Variants in DACH2 observed in about 807,000 individuals in gnomAD.
The protein encoded by DACH2 is dachshund homolog 2.
Under a neutral mutation model 35.8 loss-of-function variants are expected in DACH2, and 17 were observed. The observed-to-expected ratio is 0.48, with a 90% confidence interval of 0.33 to 0.71. The LOEUF (loss-of-function observed/expected upper bound fraction) is 0.71. Ranked by LOEUF, DACH2 falls within the 30% of genes least tolerant of loss-of-function variation. The pLI is 0.02. For synonymous variants in DACH2, 195 were observed against 177.3 expected (o/e 1.10, Z -0.79); for missense variants, 469 against 472.7 (o/e 0.99, Z 0.07).
intron 2 of DACH2, among the ~76,000 whole-genome samples, chrX:86,489,216 C>T (rs1303168544): frequency 2.7e-5 from 3 of 110,364 alleles, no homozygotes; most frequent in African/African-American, 9.9e-5. Context: ...TTTCCTATTG[C>T]ACCTCATTCA....
At chrX:86,544,221 A>G (rs1477117459) in intron 3 of DACH2, among the ~76,000 whole-genome samples, 1 of 111,592 alleles carries the variant, frequency 9.0e-6, no homozygotes, top group Non-Finnish European at 1.9e-5. Flanking sequence ...AGCATAATTC[A>G]GGATATTGTG....
intron 1 of DACH2, among the ~76,000 whole-genome samples, chrX:86,168,495 C>T (rs1202838895): frequency 9.0e-6 from 1 of 110,772 alleles, no homozygotes; most frequent in Admixed American, 9.6e-5. Flanking sequence ...CATTCAAACA[C>T]TCTATGTGTT....
intron 1 of DACH2, among the ~76,000 whole-genome samples, chrX:86,185,876 C>A (rs1408603210): frequency 8.9e-6 from 1 of 111,872 alleles, no homozygotes; most frequent in Non-Finnish European, 1.9e-5. Flanking sequence ...AAAATAGAAG[C>A]CTGCCATCTT....
intron 1 of DACH2, among the ~76,000 whole-genome samples, chrX:86,252,860 T>C (rs1024222031): frequency 9.0e-6 from 1 of 111,027 alleles, no homozygotes; most frequent in Non-Finnish European, 1.9e-5. Flanking sequence ...TTTAGGATTG[T>C]TTTCTCTAGT....
chrX:86,495,043 A>T lies in DACH2; in HGVS notation c.528-19236A>T, dbSNP rs746426442. 3.1e-3 allele frequency among the ~76,000 whole-genome samples: 347 copies of T among 110,479 alleles called. 1 individual carries two copies. Among genetic ancestry groups the T allele is most frequent in the South Asian group, 0.02 (54 of 2,665 alleles). On this transcript the variant is annotated intron_variant, in intron 2 of 11. Transcript: ENST00000373125. ...AATGAGATAGTTTGCATTATTAATT[A>T]ATTTATTTATTTATTTATTTTGGAG...
intron 1 of DACH2, among the ~76,000 whole-genome samples, chrX:86,169,308 C>G (rs2031048528): frequency 9.0e-6 from 1 of 111,199 alleles, no homozygotes; most frequent in Non-Finnish European, 1.9e-5. Context: ...TTTCCTCTTA[C>G]TGCTTTTAGG....
rs1424062135 is a variant in DACH2, at chrX:86,537,481, C to T, written c.640+23090C>T. On this transcript the variant is annotated intron_variant, in intron 3 of 11. Coordinates refer to ENST00000373125, the MANE Select transcript of DACH2 (RefSeq NM_053281.3). The stretch of plus-strand genomic sequence containing the variant: ...TTTGCAAACATTTTCTGGGCCACAC[C>T]CTTGTTTTCCTCCCCTGAAAATGCT... 2.7e-5 allele frequency among the ~76,000 whole-genome samples: 3 copies of T among 110,996 alleles called. No individual in the cohort carries two copies. In the Admixed American group the frequency reaches 3.0e-4, roughly 11 times the overall value.
At chrX:86,177,485 G>A (rs1349392766) in intron 1 of DACH2, among the ~76,000 whole-genome samples, 4 of 111,838 alleles carry the variant, frequency 3.6e-5, no homozygotes, top group African/African-American at 1.3e-4. Context: ...AAATAGTTAA[G>A]CTTTAAATCA....
At chrX:86,542,869 G>T (rs772404063) in intron 3 of DACH2, among the ~76,000 whole-genome samples, 3 of 111,614 alleles carry the variant, frequency 2.7e-5, no homozygotes, top group Non-Finnish European at 5.6e-5. Flanking sequence ...AGCATCTGTG[G>T]CTATCAAGGA....
chrX:86,793,087 G>T (rs2042202297), intron 7 of DACH2, among the ~76,000 whole-genome samples: 1 of 110,481 alleles, frequency 9.1e-6, no homozygotes, highest in Non-Finnish European at 1.9e-5. Context: ...TCTCATTGTG[G>T]ATTTAATTTG....
At chrX:86,184,986 G>T (rs1223580469) in intron 1 of DACH2, among the ~76,000 whole-genome samples, 1 of 111,404 alleles carries the variant, frequency 9.0e-6, no homozygotes, top group African/African-American at 3.3e-5. Context: ...TATGCAAGAG[G>T]CTTATCTTCT....
chrX:86,392,282 AAATGT>A (rs2036216496), intron 2 of DACH2, among the ~76,000 whole-genome samples: 1 of 111,807 alleles, frequency 8.9e-6, no homozygotes, highest in Non-Finnish European at 1.9e-5. Context: ...GTGATGTATA[AAATGT>A]ATAACATGTA....
intron 4 of DACH2, among the ~76,000 whole-genome samples, chrX:86,661,581 A>T (rs1470994905): frequency 8.9e-6 from 1 of 112,243 alleles, no homozygotes; most frequent in East Asian, 2.8e-4. Context: ...TTATCCATTT[A>T]TCTGTTCATG....
At chrX:86,247,300 G>T (rs2033305842) in intron 1 of DACH2, among the ~76,000 whole-genome samples, 1 of 110,858 alleles carries the variant, frequency 9.0e-6, no homozygotes, top group Non-Finnish European at 1.9e-5. Flanking sequence ...ATTGAGACAT[G>T]AAAAACCACA....
chrX:86,725,841 T>C (rs986416423), intron 6 of DACH2, among the ~76,000 whole-genome samples: 7 of 111,223 alleles, frequency 6.3e-5, no homozygotes, highest in African/African-American at 2.0e-4. Flanking sequence ...TGGTAGCACA[T>C]GTGGGTGGGT....
intron 1 of DACH2, among the ~76,000 whole-genome samples, chrX:86,183,221 G>C (rs886903559): frequency 1.8e-5 from 2 of 111,951 alleles, no homozygotes; most frequent in African/African-American, 6.5e-5. Context: ...TATGTTGATA[G>C]GAGTGGTGAG....
At chrX:86,359,588 C>T (rs1436791534) in intron 1 of DACH2, among the ~76,000 whole-genome samples, 1 of 110,627 alleles carries the variant, frequency 9.0e-6, no homozygotes, top group Non-Finnish European at 1.9e-5. Context: ...TCTATACCAA[C>T]AATTTTTAAA....
chrX:86,216,028 C>A (rs150024163), intron 1 of DACH2, among the ~76,000 whole-genome samples: 3,625 of 111,280 alleles, frequency 0.033, 146 homozygotes, highest in African/African-American at 0.11. Flanking sequence ...CTATCAAATT[C>A]TAAATTAAAT....
At chrX:86,259,343 A>G (rs185256556) in intron 1 of DACH2, among the ~76,000 whole-genome samples, 75 of 111,898 alleles carry the variant, frequency 6.7e-4, no homozygotes, top group African/African-American at 2.3e-3. Flanking sequence ...ACAGTGCTGT[A>G]TAAATAGAGG....
Sources: allele counts gnomAD v4.1 joint callset (sites outside exome capture counted in the v4.1 genomes callset), GRCh38; gene constraint gnomAD v4.1.1; transcripts MANE v1.5; gene names NCBI Gene and HGNC (gene_info 2026-07-23, HGNC 2026-07-21).